Variants in CCSER1 observed in about 807,000 individuals in gnomAD.
The protein encoded by CCSER1 is coiled-coil serine rich protein 1.
CCSER1 carries 41 observed loss-of-function variants against 82.0 expected under a neutral mutation model. The observed-to-expected ratio is 0.50, with a 90% CI of 0.39 to 0.65. The LOEUF is 0.65. CCSER1 is among the 30% of genes least tolerant of loss of function. CCSER1 has a pLI of 0.00. For synonymous variants in CCSER1, 414 were observed against 383.9 expected (o/e 1.08, Z -0.92); for missense variants, 1,119 against 1,064.2 (o/e 1.05, Z -0.72).
intron 9 of CCSER1, among the ~76,000 whole-genome samples, chr4:90,978,277 A>G (rs1033946892): frequency 6.6e-6 from 1 of 151,582 alleles, no homozygotes; most frequent in Non-Finnish European, 1.5e-5. Context: ...GAGGATAATA[A>G]TATTTTTATT....
chr4:90,308,466 G>T lies in CCSER1; in HGVS notation c.182G>T (p.Ser61Ile). Reference sequence around the variant, plus strand: ...TCAGGTAGCACAGGTAAACGGAGGAGCATATTCCGTACTCCTTCCATTAGC... The same window carrying T: ...TCAGGTAGCACAGGTAAACGGAGGATCATATTCCGTACTCCTTCCATTAGC... The part of the protein sequence containing the change: ...SSSGSTGKRR[S>I]IFRTPSISFH... Residue 61 changes from serine (S) to isoleucine (I), a missense_variant, in exon 2 of 11, where the codon AGC becomes ATC. Coordinates refer to ENST00000509176, the MANE Select transcript of CCSER1 (RefSeq NM_001145065.2). 1 of 1,613,792 alleles carries T rather than the reference G, an allele frequency of 6.2e-7. No homozygotes were observed. The highest frequency in any genetic ancestry group is 1.3e-5 in the African/African-American group (1 of 75,040).
At chr4:90,746,452 A>G (rs1424088976) in intron 7 of CCSER1, among the ~76,000 whole-genome samples, 1 of 152,184 alleles carries the variant, frequency 6.6e-6, no homozygotes, top group East Asian at 1.9e-4. Flanking sequence ...CTATCAAGCT[A>G]TACACATAAT....
chr4:91,257,564 A>C (rs6836730), intron 10 of CCSER1, among the ~76,000 whole-genome samples: 33,621 of 151,690 alleles, frequency 0.22, 4,345 homozygotes, highest in African/African-American at 0.35. Context: ...GTTTATTCCA[A>C]AGCGTTTAAA....
At chr4:91,143,336 C>G (rs186560575) in intron 10 of CCSER1, among the ~76,000 whole-genome samples, 28 of 151,686 alleles carry the variant, frequency 1.8e-4, no homozygotes, top group African/African-American at 6.8e-4. Flanking sequence ...TACTTTGTAT[C>G]CTGAAACTTT....
intron 10 of CCSER1, among the ~76,000 whole-genome samples, chr4:91,249,958 A>AC (rs34592141): frequency 0.23 from 34,437 of 151,604 alleles, 4,592 homozygotes; most frequent in African/African-American, 0.36. Flanking sequence ...AATAAAAAAA[A>AC]AAAACAGCTT....
rs192034400 is a variant in CCSER1 at position 90,391,996 on chromosome 4, G to A, written c.1510-8040G>A. ...ATATTTAAGTATTGCTTTATTGACCGTGATACAAACTCATGCAGTTAGGTT... is the reference window on the plus strand; with the variant it reads ...ATATTTAAGTATTGCTTTATTGACCATGATACAAACTCATGCAGTTAGGTT... On this transcript the variant is annotated intron_variant, in intron 3 of 10. Coordinates refer to ENST00000509176, the MANE Select transcript of CCSER1 (RefSeq NM_001145065.2). 6.4e-4 allele frequency among the ~76,000 whole-genome samples: 97 copies of A among 151,972 alleles called. 1 individual carries two copies. The East Asian group carries it at 9.7e-3, about 15-fold the overall frequency.
chr4:90,406,788 T>G (rs1753805536), intron 4 of CCSER1, among the ~76,000 whole-genome samples: 1 of 152,124 alleles, frequency 6.6e-6, no homozygotes, highest in South Asian at 2.1e-4. Context: ...AGATGGAACT[T>G]AAAAAATTAT....
At chr4:91,498,652 T>TGC (rs1759056261) in intron 10 of CCSER1, among the ~76,000 whole-genome samples, 1 of 151,802 alleles carries the variant, frequency 6.6e-6, no homozygotes, top group African/African-American at 2.4e-5. Flanking sequence ...TTTTATTTTG[T>TGC]AGTCACCTTA....
At chr4:91,105,119 T>C (rs1023270941) in intron 10 of CCSER1, among the ~76,000 whole-genome samples, 1 of 151,544 alleles carries the variant, frequency 6.6e-6, no homozygotes, top group African/African-American at 2.4e-5. Context: ...AGAGTTTAGC[T>C]CCCACTTATA....
chr4:90,415,743 C>T (rs528966458), intron 4 of CCSER1, among the ~76,000 whole-genome samples: 9 of 152,166 alleles, frequency 5.9e-5, no homozygotes, highest in Non-Finnish European at 1.3e-4. Context: ...GTTTCTATTT[C>T]GGCTACTCAT....
chr4:90,234,024 G>A (rs1745249131), intron 1 of CCSER1, among the ~76,000 whole-genome samples: 2 of 152,080 alleles, frequency 1.3e-5, no homozygotes, highest in Admixed American at 1.3e-4. Context: ...AAAAAATGTT[G>A]TGCTTATATG....
chr4:90,533,076 T>A (rs540380056), intron 5 of CCSER1, among the ~76,000 whole-genome samples: 307 of 150,464 alleles, frequency 2.0e-3, no homozygotes, highest in African/African-American at 7.2e-3. Context: ...TATGCAAAAT[T>A]TCTGTGGGTT....
At chr4:90,340,317 A>G (rs939687428) in intron 3 of CCSER1, among the ~76,000 whole-genome samples, 1 of 152,146 alleles carries the variant, frequency 6.6e-6, no homozygotes, top group Non-Finnish European at 1.5e-5. Flanking sequence ...GTTGATTTAC[A>G]TTTACCCTCA....
intron 10 of CCSER1, among the ~76,000 whole-genome samples, chr4:91,504,571 G>A (rs116193896): frequency 6.6e-5 from 10 of 151,884 alleles, no homozygotes; most frequent in African/African-American, 2.2e-4. Flanking sequence ...ATCACATATG[G>A]TTTTATTAAA....
rs533792443 is a variant in CCSER1, at chr4:91,158,650, C to T, written c.2217+72656C>T. Among the ~76,000 whole-genome samples the T allele has an allele frequency of 6.9e-4, 105 of 151,400 alleles. 1 individual carries two copies. The highest frequency in any genetic ancestry group is 1.1e-3 in the Non-Finnish European group (74 of 67,752). ...TGTGTGTGTGTGTGTGTGTGTGTCTCACTGGGATGGACACACAAACGTGCA... is the reference window on the plus strand; with the variant it reads ...TGTGTGTGTGTGTGTGTGTGTGTCTTACTGGGATGGACACACAAACGTGCA... On this transcript the variant is annotated intron_variant, in intron 10 of 10. Coordinates refer to ENST00000509176, the MANE Select transcript of CCSER1 (RefSeq NM_001145065.2).
Position 91,483,921 on chromosome 4 carries a change from T to C in CCSER1, c.2218-114651T>C, listed in dbSNP as rs527627655. ...ATAGAGTTGCTTTCTGGTTTAACTA[T>C]CTACCATGAGCTCCAAGATAGTCTT... On this transcript the variant is annotated intron_variant, in intron 10 of 10. Coordinates refer to ENST00000509176, the MANE Select transcript of CCSER1 (RefSeq NM_001145065.2). Among the ~76,000 whole-genome samples the C allele has an allele frequency of 4.6e-5, 7 of 152,234 alleles. No homozygotes were observed. In the East Asian group the frequency reaches 1.4e-3, roughly 29 times the overall value.
At chr4:91,491,885 G>A (rs532388940) in intron 10 of CCSER1, among the ~76,000 whole-genome samples, 1 of 146,074 alleles carries the variant, frequency 6.8e-6, no homozygotes, top group East Asian at 2.0e-4. Flanking sequence ...CTACTCATCA[G>A]AAAAAAATTC....
intron 1 of CCSER1, among the ~76,000 whole-genome samples, chr4:90,297,886 T>C (rs1202500244): frequency 6.6e-6 from 1 of 152,078 alleles, no homozygotes; most frequent in Non-Finnish European, 1.5e-5. Context: ...TGCTGCTGGA[T>C]TCGGTTTGCC....
At chr4:90,293,961 GA>G (rs1193042449) in intron 1 of CCSER1, among the ~76,000 whole-genome samples, 3 of 151,872 alleles carry the variant, frequency 2.0e-5, no homozygotes, top group Admixed American at 1.3e-4. Context: ...TTGTAATATG[GA>G]AATATTAAAC....
Sources: allele counts gnomAD v4.1 joint callset (sites outside exome capture counted in the v4.1 genomes callset), GRCh38; gene constraint gnomAD v4.1.1; transcripts MANE v1.5; gene names NCBI Gene and HGNC (gene_info 2026-07-23, HGNC 2026-07-21).